Variants in TMEM108 observed in about 807,000 individuals in gnomAD.
The protein encoded by TMEM108 is cancer/testis antigen 124.
In TMEM108, 12 loss-of-function variants were observed where a neutral mutation model predicts 35.1. That is an observed-to-expected ratio of 0.34 (90% CI 0.22 to 0.55). The LOEUF (loss-of-function observed/expected upper bound fraction) is 0.55, where lower values mean the gene tolerates loss of function less well. Ranked by LOEUF, TMEM108 falls within the 20% of genes least tolerant of loss-of-function variation. The pLI, the probability that TMEM108 is intolerant of heterozygous loss-of-function variation, is 0.89. For missense variants in TMEM108, 680 were observed against 753.3 expected (o/e 0.90, Z 1.14); for synonymous variants, 287 against 308.6 (o/e 0.93, Z 0.73).
chr3:133,181,038 A>C lies in TMEM108; in HGVS notation c.-46-48228A>C, dbSNP rs61676070. Among the ~76,000 whole-genome samples, 767 of 126,506 alleles carry C rather than the reference A, an allele frequency of 6.1e-3. 14 individuals are homozygous for C. The highest frequency in any genetic ancestry group is 0.021 in the African/African-American group (726 of 35,026). 83.0% of individuals were successfully genotyped at this position (126,506 alleles called of 152,430 possible). ...AAAAAAAAAAAAAAAAAAAAAAAAAACAGCACTCCCAAAGCGCTTGATTTA... is the reference window on the plus strand; with the variant it reads ...AAAAAAAAAAAAAAAAAAAAAAAAACCAGCACTCCCAAAGCGCTTGATTTA... On this transcript the variant is annotated intron_variant, in intron 2 of 5. Transcript: ENST00000321871.
At chr3:133,388,202 AGAACTCCTCCAGGT>A (rs1198823528) in intron 4 of TMEM108, 2 of 985,378 alleles carry the variant, frequency 2.0e-6, no homozygotes, top group African/African-American at 3.5e-5. Flanking sequence ...CACACCAGCT[AGAACTCCTCCAGGT>A]GTTTCACCAT....
chr3:133,179,796 T>TA (rs1277711193), intron 2 of TMEM108, among the ~76,000 whole-genome samples: 1 of 150,830 alleles, frequency 6.6e-6, no homozygotes, highest in East Asian at 1.9e-4. Flanking sequence ...CCGTAAAACT[T>TA]AAAGTATAAT....
chr3:133,247,136 G>A (rs1207455414), intron 3 of TMEM108: 1 of 152,154 alleles, frequency 6.6e-6, no homozygotes, highest in Admixed American at 6.5e-5. Context: ...ATAATTTGCA[G>A]GTAGTGCTAT....
At chr3:133,205,303 A>G (rs1945736220) in intron 2 of TMEM108, among the ~76,000 whole-genome samples, 1 of 152,182 alleles carries the variant, frequency 6.6e-6, no homozygotes, top group South Asian at 2.1e-4. Flanking sequence ...GCTGGTTTAC[A>G]TTTAAGGTTA....
Position 133,181,038 on chromosome 3 carries a change from A to AAAAAAAAAAAAAAAAAAC in TMEM108, c.-46-48228_-46-48227insAAAAAAAAAAAAAAAAAC, listed in dbSNP as rs869218859. ...AAAAAAAAAAAAAAAAAAAAAAAAA[A>AAAAAAAAAAAAAAAAAAC]CAGCACTCCCAAAGCGCTTGATTTA... On this transcript the variant is annotated intron_variant, in intron 2 of 5. Coordinates refer to ENST00000321871, the MANE Select transcript of TMEM108 (RefSeq NM_023943.4). Among the ~76,000 whole-genome samples, 10 of 126,444 alleles carry AAAAAAAAAAAAAAAAAAC rather than the reference A, an allele frequency of 7.9e-5. 1 individual carries two copies. The highest frequency in any genetic ancestry group is 2.6e-4 in the African/African-American group (9 of 34,944). The allele number at this position is 126,444 out of a possible 152,430, so 83.0% of individuals were successfully genotyped here. A position where few individuals can be genotyped will look rare whatever the true frequency, so the allele number is the denominator to read the frequency against.
intron 2 of TMEM108, among the ~76,000 whole-genome samples, chr3:133,131,874 G>A (rs1309749996): frequency 6.6e-6 from 1 of 152,118 alleles, no homozygotes; most frequent in Non-Finnish European, 1.5e-5. Flanking sequence ...GAAAGTTTTA[G>A]TGATTCAGAT....
chr3:133,388,924 T>C (rs2073192569), intron 4 of TMEM108: 2 of 985,486 alleles, frequency 2.0e-6, no homozygotes, highest in South Asian at 4.7e-5. Context: ...CCCCCGGTGC[T>C]GGCCTCTCTG....
At chr3:133,349,973 A>C (rs1374520703) in intron 3 of TMEM108, among the ~76,000 whole-genome samples, 2 of 152,108 alleles carry the variant, frequency 1.3e-5, no homozygotes, top group Non-Finnish European at 2.9e-5. Flanking sequence ...AGATATCTGC[A>C]CTCTTAGGGT....
In TMEM108 at chr3:133,165,555, G is replaced by T. The variant is rs148364208; in HGVS notation, c.-46-63711G>T. On this transcript the variant is annotated intron_variant, in intron 2 of 5. Coordinates refer to ENST00000321871, the MANE Select transcript of TMEM108 (RefSeq NM_023943.4). ...TCACTTTTTGGAAAAAGAAGTATTT[G>T]CAGGTTTATGTGTGTTTCAGTCTGT... Among the ~76,000 whole-genome samples the T allele has an allele frequency of 3.3e-5, 5 of 152,276 alleles. No homozygotes were observed. In the East Asian group the frequency reaches 9.6e-4, roughly 29 times the overall value.
At chr3:133,113,841 T>C (rs1258933797) in intron 2 of TMEM108, among the ~76,000 whole-genome samples, 2 of 152,186 alleles carry the variant, frequency 1.3e-5, no homozygotes, top group African/African-American at 2.4e-5. Context: ...CCCAAGGCAG[T>C]TCCCAGGGTC....
chr3:133,272,272 C>CGTGTGTGTGTGTGTGTGTGTGTGT (rs3078833), intron 3 of TMEM108, among the ~76,000 whole-genome samples: 8 of 137,726 alleles, frequency 5.8e-5, no homozygotes, highest in East Asian at 4.4e-4. Flanking sequence ...CATACACGTA[C>CGTGTGTGTGTGTGTGTGTGTGTGT]GTGTGTGTGT....
intron 2 of TMEM108, among the ~76,000 whole-genome samples, chr3:133,105,267 C>T (rs1182171622): frequency 1.3e-5 from 2 of 152,158 alleles, no homozygotes; most frequent in Non-Finnish European, 2.9e-5. Context: ...CTGTCAGCGG[C>T]AGGTCATTCT....
At chr3:133,347,299 C>T (rs2071850250) in intron 3 of TMEM108, among the ~76,000 whole-genome samples, 2 of 152,058 alleles carry the variant, frequency 1.3e-5, no homozygotes, top group South Asian at 2.1e-4. Context: ...TTTAGACCTT[C>T]TTTGATTTCT....
intron 3 of TMEM108, among the ~76,000 whole-genome samples, chr3:133,354,061 GTGT>G (rs2072088338): frequency 6.6e-6 from 1 of 152,208 alleles, no homozygotes; most frequent in Non-Finnish European, 1.5e-5. Context: ...TCTCCCTGCT[GTGT>G]TTATTCCACC....
intron 3 of TMEM108, among the ~76,000 whole-genome samples, chr3:133,355,947 AAAG>A (rs1415753271): frequency 6.6e-6 from 1 of 152,278 alleles, no homozygotes. Flanking sequence ...GGGACCTAAA[AAAG>A]AAGAACTAGG....
chr3:133,207,955 A>C (rs928824613), intron 2 of TMEM108, among the ~76,000 whole-genome samples: 2 of 152,222 alleles, frequency 1.3e-5, no homozygotes, highest in Admixed American at 6.5e-5. Context: ...AGCATGTTAC[A>C]ATTGAAAGGG....
intron 2 of TMEM108, among the ~76,000 whole-genome samples, chr3:133,174,120 G>A (rs375408923): frequency 5.9e-5 from 9 of 152,226 alleles, no homozygotes; most frequent in African/African-American, 4.8e-5. Context: ...AGGTGGCAGC[G>A]AGGCTGGGGG....
intron 3 of TMEM108, among the ~76,000 whole-genome samples, chr3:133,311,984 T>C (rs2071134692): frequency 6.6e-6 from 1 of 152,264 alleles, no homozygotes; most frequent in South Asian, 2.1e-4. Context: ...GCTGCAGGTC[T>C]GTTGGAGTTT....
chr3:133,145,003 A>G (rs1225315060), intron 2 of TMEM108, among the ~76,000 whole-genome samples: 1 of 152,142 alleles, frequency 6.6e-6, no homozygotes, highest in Non-Finnish European at 1.5e-5. Context: ...TTTTGTTGCC[A>G]TTGCTTTTGG....
Sources: allele counts gnomAD v4.1 joint callset (sites outside exome capture counted in the v4.1 genomes callset), GRCh38; gene constraint gnomAD v4.1.1; transcripts MANE v1.5; gene names NCBI Gene and HGNC (gene_info 2026-07-23, HGNC 2026-07-21).